Variants in PTDSS1 observed in about 807,000 individuals in gnomAD.
PTDSS1 encodes the protein phosphatidylserine synthase 1.
In PTDSS1, 45 loss-of-function variants were observed where a neutral mutation model predicts 70.5. The ratio of observed to expected loss-of-function variants is 0.64; its 90% CI spans 0.50 to 0.82. The LOEUF (loss-of-function observed/expected upper bound fraction) is 0.82. Ranked by LOEUF, PTDSS1 falls within the 40% of genes least tolerant of loss-of-function variation. The pLI is 0.00. For synonymous variants in PTDSS1, 188 were observed against 203.8 expected (o/e 0.92, Z 0.66); for missense variants, 417 against 586.1 (o/e 0.71, Z 2.98).
Position 96,309,554 on chromosome 8 carries a change from C to T in PTDSS1, c.1008-3C>T. The T allele has an allele frequency of 2.5e-6, 4 of 1,612,660 alleles. No homozygotes were observed. Among genetic ancestry groups the T allele is most frequent in the Non-Finnish European group, 3.4e-6 (4 of 1,178,932 alleles). ...TCAATGAATTCCAACTTTGTTCTTT[C>T]AGACAGTACTACGCTTACCTCACCG... On this transcript the variant is annotated splice_region_variant and splice_polypyrimidine_tract_variant and intron_variant, in intron 8 of 12. Transcript: ENST00000517309.
chr8:96,324,771 A>G (rs1441094819), intron 10 of PTDSS1, among the ~76,000 whole-genome samples: 2 of 152,240 alleles, frequency 1.3e-5, no homozygotes, highest in Non-Finnish European at 2.9e-5. Flanking sequence ...CATTCAAACC[A>G]TAGCAGTCAC....
intron 5 of PTDSS1, among the ~76,000 whole-genome samples, chr8:96,295,770 A>C (rs1197699425): frequency 6.6e-6 from 1 of 152,230 alleles, no homozygotes; most frequent in African/African-American, 2.4e-5. Context: ...CATTAGCAAA[A>C]TGAAATTTTG....
At chr8:96,321,743 G>A (rs1036142752) in intron 10 of PTDSS1, among the ~76,000 whole-genome samples, 4 of 151,862 alleles carry the variant, frequency 2.6e-5, no homozygotes, top group African/African-American at 9.7e-5. Flanking sequence ...CGCCTTTAAC[G>A]GGATCTATTT....
At chr8:96,286,445 C>T (rs894157057) in intron 3 of PTDSS1, among the ~76,000 whole-genome samples, 1 of 152,088 alleles carries the variant, frequency 6.6e-6, no homozygotes, top group Admixed American at 6.5e-5. Context: ...AAAAAGTGGC[C>T]CTGGGCCACC....
At chr8:96,332,337 AT>A (rs1251927791) in intron 12 of PTDSS1, among the ~76,000 whole-genome samples, 1 of 152,194 alleles carries the variant, frequency 6.6e-6, no homozygotes, top group Non-Finnish European at 1.5e-5. Context: ...TAAAGACTGA[AT>A]TTTAGCTCAC....
intron 9 of PTDSS1, among the ~76,000 whole-genome samples, chr8:96,313,918 C>T (rs1811247400): frequency 6.6e-6 from 1 of 152,232 alleles, no homozygotes. Context: ...TATTTCCTCT[C>T]ACTTTTCTGT....
chr8:96,327,497 GA>G (rs1811454365), intron 10 of PTDSS1, among the ~76,000 whole-genome samples: 2 of 152,150 alleles, frequency 1.3e-5, no homozygotes, highest in Admixed American at 1.3e-4. Context: ...TTATTATAAA[GA>G]GCAAGATTGA....
At position 96,304,293 on chromosome 8, in the gene PTDSS1, A is replaced by G. The variant is rs946798773; in HGVS notation, c.894+112A>G. 4.8e-6 allele frequency: 6 copies of G among 1,254,064 alleles called. No individual in the cohort carries two copies. In the African/African-American group the frequency reaches 9.1e-5, roughly 19 times the overall value. The allele number at this position is 1,254,064 out of a possible 1,614,324, so 77.7% of individuals were successfully genotyped here. ...ATTGCTTTTCAGCTCCATACTTTAC[A>G]AGATATAATATTCTGCAGCTGGCAT... On this transcript the variant is annotated intron_variant, in intron 7 of 12. Coordinates refer to ENST00000517309, the MANE Select transcript of PTDSS1 (RefSeq NM_014754.3).
chr8:96,306,537 A>G lies in PTDSS1; in HGVS notation c.988A>G (p.Ile330Val), dbSNP rs779602012. The change falls in exon 8 of 13, where the codon ATC becomes GTC. Residue 330 changes from isoleucine to valine, a missense_variant. This residue lies in a region of PTDSS1 where 272 missense variants were observed against 429.5 expected (regional missense o/e 0.63). Coordinates refer to ENST00000517309, the MANE Select transcript of PTDSS1 (RefSeq NM_014754.3). ...SWGRILFIGG[I>V]TAPTVRQYYA... ...GGGTAGAATTCTCTTTATTGGTGGC[A>G]TCACAGCTCCCACAGTGAGGTAATT... 3.7e-5 allele frequency: 59 copies of G among 1,612,676 alleles called. No individual in the cohort carries two copies. The highest frequency in any genetic ancestry group is 4.9e-5 in the Non-Finnish European group (58 of 1,178,740).
chr8:96,269,507 A>G (rs1810532395), intron 1 of PTDSS1, among the ~76,000 whole-genome samples: 2 of 152,180 alleles, frequency 1.3e-5, no homozygotes, highest in Non-Finnish European at 2.9e-5. Flanking sequence ...GTTGCTGTGA[A>G]CAAGCAACAT....
At chr8:96,316,151 C>T (rs1811285612) in intron 9 of PTDSS1, among the ~76,000 whole-genome samples, 2 of 152,170 alleles carry the variant, frequency 1.3e-5, no homozygotes, top group African/African-American at 4.8e-5. Flanking sequence ...TGGGTTCCTA[C>T]CACTTCTCAC....
intron 2 of PTDSS1, among the ~76,000 whole-genome samples, chr8:96,279,810 C>T (rs1165900267): frequency 7.0e-6 from 1 of 143,662 alleles, no homozygotes; most frequent in Non-Finnish European, 1.5e-5. Context: ...CAGAGCAATA[C>T]TCCATCTCAA....
rs1333881701 is a variant in PTDSS1, at chr8:96,284,098, T to C, written c.272-11T>C. On this transcript the variant is annotated splice_polypyrimidine_tract_variant and intron_variant, in intron 2 of 12. Coordinates refer to ENST00000517309, the MANE Select transcript of PTDSS1 (RefSeq NM_014754.3). Reference sequence around the variant, plus strand: ...AGTTCCTTCTAACTTTATAATGTTATTTATCTGCAGGTCCGTTCACTCGAC... The same window carrying C: ...AGTTCCTTCTAACTTTATAATGTTACTTATCTGCAGGTCCGTTCACTCGAC... The C allele has an allele frequency of 6.2e-7, 1 of 1,603,998 alleles. No individual in the cohort carries two copies. Among genetic ancestry groups the C allele is most frequent in the East Asian group, 2.2e-5 (1 of 44,782 alleles).
intron 1 of PTDSS1, 64 bp from the exon 2 acceptor site, chr8:96,273,235 C>G (rs1485807113): frequency 4.1e-6 from 5 of 1,216,806 alleles, no homozygotes; most frequent in East Asian, 2.4e-5. Flanking sequence ...TGGAAATCTT[C>G]CTTCCTCTAG....
intron 8 of PTDSS1, among the ~76,000 whole-genome samples, chr8:96,308,515 G>A (rs544833002): frequency 2.0e-5 from 3 of 152,250 alleles, no homozygotes; most frequent in African/African-American, 7.2e-5. Context: ...AGGTGCTACT[G>A]CTGAAGGGGT....
chr8:96,282,100 A>G (rs765921770), intron 2 of PTDSS1, among the ~76,000 whole-genome samples: 3 of 152,250 alleles, frequency 2.0e-5, no homozygotes, highest in Non-Finnish European at 4.4e-5. Context: ...AGAGGAAACT[A>G]TACAGAAAAC....
chr8:96,270,224 A>T (rs1810545586), intron 1 of PTDSS1, among the ~76,000 whole-genome samples: 1 of 152,134 alleles, frequency 6.6e-6, no homozygotes, highest in Admixed American at 6.5e-5. Flanking sequence ...TGTTACAAAG[A>T]TTCAGAGAGC....
chr8:96,288,441 C>T (rs1331408620), intron 4 of PTDSS1, among the ~76,000 whole-genome samples: 1 of 152,026 alleles, frequency 6.6e-6, no homozygotes, highest in Non-Finnish European at 1.5e-5. Flanking sequence ...TATCCTGCTT[C>T]AGCCTCCCGA....
intron 1 of PTDSS1, among the ~76,000 whole-genome samples, chr8:96,271,296 T>C (rs1189581083): frequency 6.6e-6 from 1 of 152,256 alleles, no homozygotes; most frequent in Non-Finnish European, 1.5e-5. Context: ...TTGCTTATTA[T>C]ACCTACTATT....
Sources: allele counts gnomAD v4.1 joint callset (sites outside exome capture counted in the v4.1 genomes callset), GRCh38; gene constraint gnomAD v4.1.1; regional missense constraint gnomAD v4.1.1; transcripts MANE v1.5; gene names NCBI Gene and HGNC (gene_info 2026-07-23, HGNC 2026-07-21).